Variants in GVQW3 observed in about 807,000 individuals in gnomAD.
GVQW3 encodes protein GVQW3.
GVQW3 carries 7 observed loss-of-function variants against 12.5 expected under a neutral mutation model. The ratio of observed to expected loss-of-function variants is 0.56; its 90% CI spans 0.32 to 1.05. GVQW3 has a LOEUF of 1.05. Among genes scored for constraint, GVQW3 ranks in the 50% least tolerant of loss-of-function variants. The pLI is 0.04. For synonymous variants in GVQW3, 71 were observed against 67.2 expected (o/e 1.06, Z -0.28); for missense variants, 188 against 190.8 (o/e 0.99, Z 0.09).
In GVQW3 at chr11:76,381,617, A is replaced by G. The variant is rs970603254; in HGVS notation, c.-212A>G. On this transcript the variant is annotated 5_prime_UTR_variant, in exon 1 of 2. Coordinates refer to ENST00000529331, the MANE Select transcript of GVQW3 (RefSeq NM_001347885.2). ...GCGATTTAATTTTTCCCAGCTTTGC[A>G]GCGACTGTTGGCTTCCCAGAACGGA... The G allele has an allele frequency of 7.4e-5, 37 of 497,850 alleles. 1 individual carries two copies. In the South Asian group the frequency reaches 1.2e-3, roughly 16 times the overall value. The allele number at this position is 497,850 out of a possible 1,614,324, so 30.8% of individuals were successfully genotyped here.
At position 76,407,944 on chromosome 11, in the gene GVQW3, A is replaced by G. The variant is rs1267763525; in HGVS notation, c.*4186A>G. 6.6e-6 allele frequency: 1 copy of G among 151,698 alleles called. No individual in the cohort carries two copies. Among genetic ancestry groups the G allele is most frequent in the African/African-American group, 2.4e-5 (1 of 41,306 alleles). The allele number at this position is 151,698 out of a possible 1,614,324, so 9.4% of individuals were successfully genotyped here. ...TCCCATTTTTACTTTCTGTATGCTA[A>G]AACAAACCCCTCAAGATAGATCCAA... On this transcript the variant is annotated 3_prime_UTR_variant, in exon 2 of 2. Coordinates refer to ENST00000529331, the MANE Select transcript of GVQW3 (RefSeq NM_001347885.2).
intron 1 of GVQW3, among the ~76,000 whole-genome samples, chr11:76,384,415 CAG>C (rs1946811072): frequency 6.6e-6 from 1 of 152,206 alleles, no homozygotes; most frequent in Admixed American, 6.5e-5. Flanking sequence ...CTCCGCCTCC[CAG>C]GTTCAAGTGT....
chr11:76,393,284 C>A (rs925756151), intron 1 of GVQW3, among the ~76,000 whole-genome samples: 1 of 152,242 alleles, frequency 6.6e-6, no homozygotes. Context: ...TGTAGGCTCA[C>A]CTTAGGGATG....
rs58708332 is a variant in GVQW3, at chr11:76,405,833, A to AT, written c.*2083dup. ...CATGCATGGCTAATTAATTAAAAGA[A>AT]TTTTTTTTGGTAGAGACAGGGTCTC... is the stretch of plus-strand genomic sequence containing the variant. On this transcript the variant is annotated 3_prime_UTR_variant, in exon 2 of 2. Coordinates refer to ENST00000529331, the MANE Select transcript of GVQW3 (RefSeq NM_001347885.2). 3 of 151,752 alleles carry AT rather than the reference A, an allele frequency of 2.0e-5. No individual in the cohort carries two copies. Among genetic ancestry groups the AT allele is most frequent in the East Asian group, 1.9e-4 (1 of 5,152 alleles). The allele number at this position is 151,752 out of a possible 1,614,324, so 9.4% of individuals were successfully genotyped here.
chr11:76,400,049 A>ACACG (rs769822780), intron 1 of GVQW3, among the ~76,000 whole-genome samples: 4 of 147,646 alleles, frequency 2.7e-5, no homozygotes, highest in Non-Finnish European at 6.0e-5. Flanking sequence ...ACACACACAC[A>ACACG]CGGATCTTGT....
Position 76,382,022 on chromosome 11 carries a change from G to A in GVQW3, c.194G>A (p.Arg65His). 6.5e-7 allele frequency: 1 copy of A among 1,536,438 alleles called. No homozygotes were observed. Among genetic ancestry groups the A allele is most frequent in the Non-Finnish European group, 8.7e-7 (1 of 1,146,976 alleles). ...GTTCGAGATGATGCCCGAAGTGGGC[G>A]TCCAGTCACCCACCGAACAGATGAC... ...EDVRDDARSG[R>H]PVTHRTDDNI... The change falls in exon 1 of 2, where the codon CGT becomes CAT. Residue 65 changes from arginine (R) to histidine (H), a missense_variant. Coordinates refer to ENST00000529331, the MANE Select transcript of GVQW3 (RefSeq NM_001347885.2).
In GVQW3 at chr11:76,382,093, A is replaced by G. The variant is rs2134528308; in HGVS notation, c.265A>G (p.Thr89Ala). The G allele has an allele frequency of 6.5e-7, 1 of 1,536,602 alleles. No individual in the cohort carries two copies. Among genetic ancestry groups the G allele is most frequent in the East Asian group, 2.4e-5 (1 of 40,930 alleles). The stretch of plus-strand genomic sequence containing the variant: ...CTTGGTTTGTTCAAACAGGCAGTTA[A>G]CCGTGAGGATGATGGCTGAAGAGTT... ...KDLVCSNRQL[T>A]VRMMAEELNL... The change falls in exon 1 of 2, where the codon ACC becomes GCC. Residue 89 changes from threonine (T) to alanine (A), a missense_variant. Coordinates refer to ENST00000529331, the MANE Select transcript of GVQW3 (RefSeq NM_001347885.2).
chr11:76,397,002 CTTTT>C (rs11401694), intron 1 of GVQW3, among the ~76,000 whole-genome samples: 1 of 110,866 alleles, frequency 9.0e-6, no homozygotes, highest in African/African-American at 3.4e-5. Context: ...TCATTTATTC[CTTTT>C]TTTTTTTTTT....
intron 1 of GVQW3, among the ~76,000 whole-genome samples, chr11:76,391,348 C>G (rs924670327): frequency 2.6e-5 from 4 of 152,170 alleles, no homozygotes; most frequent in African/African-American, 9.7e-5. Flanking sequence ...TTAAGCAAAA[C>G]AGACTAGAAG....
At chr11:76,413,742 C>T (rs1947097393) in exon 2 of GVQW3, 1 of 152,140 alleles carries the variant, frequency 6.6e-6, no homozygotes, top group Admixed American at 6.5e-5. Context: ...TACCAGTCTG[C>T]ATATTTATTA....
At chr11:76,389,111 A>G (rs1387177488) in intron 1 of GVQW3, among the ~76,000 whole-genome samples, 1 of 152,268 alleles carries the variant, frequency 6.6e-6, no homozygotes, top group Non-Finnish European at 1.5e-5. Flanking sequence ...ATGACTATCC[A>G]GTAGACTGTT....
chr11:76,410,220 A>C (rs558969462), downstream of GVQW3, among the ~76,000 whole-genome samples: 30 of 152,304 alleles, frequency 2.0e-4, no homozygotes, highest in African/African-American at 7.0e-4. Context: ...ACACCACTGC[A>C]CTCCAGCCTC....
chr11:76,391,438 G>C, intron 1 of GVQW3, among the ~76,000 whole-genome samples: 1 of 152,220 alleles, frequency 6.6e-6, no homozygotes. Flanking sequence ...AGCAAAGTTT[G>C]CAGTATTAGA....
At chr11:76,400,006 T>TACACACAC (rs60192043) in intron 1 of GVQW3, among the ~76,000 whole-genome samples, 8,859 of 140,364 alleles carry the variant, frequency 0.063, 332 homozygotes, top group East Asian at 0.088. Flanking sequence ...TCTCTCTGTA[T>TACACACAC]ACACACACAC....
In GVQW3 at chr11:76,406,037, A is replaced by G. The variant is rs548222973; in HGVS notation, c.*2279A>G. 1.3e-5 allele frequency: 2 copies of G among 151,886 alleles called. No homozygotes were observed. The highest frequency in any genetic ancestry group is 2.1e-4 in the South Asian group (1 of 4,798). 9.4% of individuals were successfully genotyped at this position (151,886 alleles called of 1,614,324 possible). A position where few individuals can be genotyped will look rare whatever the true frequency, so the allele number is the denominator to read the frequency against. On this transcript the variant is annotated 3_prime_UTR_variant, in exon 2 of 2. Coordinates refer to ENST00000529331, the MANE Select transcript of GVQW3 (RefSeq NM_001347885.2). Reference sequence around the variant, plus strand: ...ACCGAGGCTACAGTGCAGTGGTTCAATCGCAGCTCACTGTAGCCTCTATCT... The same window carrying G: ...ACCGAGGCTACAGTGCAGTGGTTCAGTCGCAGCTCACTGTAGCCTCTATCT...
chr11:76,411,542 TA>T (rs2134572990), downstream of GVQW3: 1 of 152,072 alleles, frequency 6.6e-6, no homozygotes, highest in African/African-American at 2.4e-5. Context: ...AGATGAGAGG[TA>T]AATATGTATG....
At chr11:76,385,577 C>T (rs1258601108) in intron 1 of GVQW3, among the ~76,000 whole-genome samples, 1 of 152,144 alleles carries the variant, frequency 6.6e-6, no homozygotes, top group Non-Finnish European at 1.5e-5. Flanking sequence ...TGCTTTTGGT[C>T]ACTTTGGTGT....
In GVQW3 at chr11:76,393,104, A is replaced by G. The variant is rs1946907984; in HGVS notation, c.466-10556A>G. On this transcript the variant is annotated intron_variant, in intron 1 of 1. Transcript: ENST00000529331. ...CATTTCCATGGTAACATATATTTCAAACATGAAAACAAGAAGCCCAAGGAA... is the reference window on the plus strand; with the variant it reads ...CATTTCCATGGTAACATATATTTCAGACATGAAAACAAGAAGCCCAAGGAA... Among the ~76,000 whole-genome samples, 3 of 152,374 alleles carry G rather than the reference A, an allele frequency of 2.0e-5. No homozygotes were observed. In the South Asian group the frequency reaches 6.2e-4, roughly 32 times the overall value.
chr11:76,391,909 G>C (rs533797559), intron 1 of GVQW3, among the ~76,000 whole-genome samples: 1 of 152,178 alleles, frequency 6.6e-6, no homozygotes, highest in African/African-American at 2.4e-5. Flanking sequence ...AGCTGAGATC[G>C]TGCCATTGCA....
Sources: gnomAD v4.1 joint callset for allele counts (sites outside exome capture counted in the v4.1 genomes callset) on GRCh38, gnomAD v4.1.1 for gene constraint, MANE v1.5 for transcripts, NCBI Gene and HGNC (gene_info 2026-07-23, HGNC 2026-07-21) for gene names.